Variants in CPNE6 observed in about 807,000 individuals in gnomAD.
The protein encoded by CPNE6 is copine-6.
CPNE6 carries 33 observed loss-of-function variants against 71.5 expected under a neutral mutation model. The ratio of observed to expected loss-of-function variants is 0.46; its 90% CI spans 0.35 to 0.62. The LOEUF (loss-of-function observed/expected upper bound fraction) is 0.62, where lower values mean the gene tolerates loss of function less well. Ranked by LOEUF, CPNE6 falls within the 20% of genes least tolerant of loss-of-function variation. CPNE6 has a pLI of 0.00. For missense variants in CPNE6, 576 were observed against 747.3 expected (o/e 0.77, Z 2.67); for synonymous variants, 296 against 293.0 (o/e 1.01, Z -0.10).
chr14:24,071,181 G>A (rs2035884368), intron 1 of CPNE6: 1 of 1,016,808 alleles, frequency 9.8e-7, no homozygotes, highest in African/African-American at 1.6e-5. Flanking sequence ...AACTGTCGTG[G>A]TGTCACAGTG....
chr14:24,072,212 A>T (rs1446091608), intron 2 of CPNE6: 1 of 152,268 alleles, frequency 6.6e-6, no homozygotes. Flanking sequence ...ACTCCCCAAA[A>T]ATCCTGTCGC....
Position 24,075,667 on chromosome 14 carries a change from G to T in CPNE6, c.864+76G>T, listed in dbSNP as rs1036364556. 14 of 1,421,730 alleles carry T rather than the reference G, an allele frequency of 9.8e-6. No individual in the cohort carries two copies. In the African/African-American group the frequency reaches 1.4e-4, roughly 14 times the overall value. The allele number at this position is 1,421,730 out of a possible 1,614,324, so 88.1% of individuals were successfully genotyped here. On this transcript the variant is annotated intron_variant, in intron 10 of 17. Transcript: ENST00000397016. The surrounding 1 kb of genome is among the most constrained non-coding windows in gnomAD (Gnocchi z 4.3). ...CACTCTCAGGTTCAACCCTTCCCTT[G>T]TTTCAAAGACCAGTTTCTCTGCTTC...
In CPNE6 at chr14:24,074,406, T is replaced by G. The variant is rs370684859; in HGVS notation, c.498+41T>G. On this transcript the variant is annotated intron_variant, in intron 6 of 17. Coordinates refer to ENST00000397016, the Ensembl canonical transcript of CPNE6. This position sits in a 1 kb window ranked among gnomAD's most constrained non-coding sequence, Gnocchi z 4.5. Reference sequence around the variant, plus strand: ...TCCAGGCCCCCAACTCCCCTGTCACTCCTAGGCCTCCCACTCAAGACAGAT... The same window carrying G: ...TCCAGGCCCCCAACTCCCCTGTCACGCCTAGGCCTCCCACTCAAGACAGAT... 1.9e-6 allele frequency: 3 copies of G among 1,552,992 alleles called. No homozygotes were observed. Among genetic ancestry groups the G allele is most frequent in the Non-Finnish European group, 2.6e-6 (3 of 1,146,936 alleles).
At position 24,077,509 on chromosome 14, in the gene CPNE6, C is replaced by T. The variant is rs1331495587; in HGVS notation, c.1537-84C>T. On this transcript the variant is annotated intron_variant, in intron 16 of 17. Coordinates refer to ENST00000397016, the Ensembl canonical transcript of CPNE6. This position sits in a 1 kb window ranked among gnomAD's most constrained non-coding sequence, Gnocchi z 6.1. ...AGGACGCGGGAGCCCAGCTGGCCAC[C>T]CTGAAGCCCCACTTCTCCCTCAGAT... 6.3e-7 allele frequency: 1 copy of T among 1,582,090 alleles called. No homozygotes were observed. The highest frequency in any genetic ancestry group is 8.7e-7 in the Non-Finnish European group (1 of 1,154,128).
rs1402679908 is a variant in CPNE6 at position 24,073,982 on chromosome 14, C to T, written c.349-69C>T. 1 of 1,365,640 alleles carries T rather than the reference C, an allele frequency of 7.3e-7. No individual in the cohort carries two copies. The highest frequency in any genetic ancestry group is 1.7e-5 in the Admixed American group (1 of 59,558). The allele number at this position is 1,365,640 out of a possible 1,614,324, so 84.6% of individuals were successfully genotyped here. ...GCAGACACTCAGAGCATTTATTATT[C>T]CATCCCTTGTACGTGGCCAAGGCAG... On this transcript the variant is annotated intron_variant, in intron 4 of 17. Coordinates refer to ENST00000397016, the Ensembl canonical transcript of CPNE6. The surrounding 1 kb of genome is among the most constrained non-coding windows in gnomAD (Gnocchi z 5.5).
rs1157912840 is a variant in CPNE6, at chr14:24,077,172, G to A, written c.1318G>A (p.Val440Met). 7 of 1,605,680 alleles carry A rather than the reference G, an allele frequency of 4.4e-6. No individual in the cohort carries two copies. Among genetic ancestry groups the A allele is most frequent in the Non-Finnish European group, 1.7e-6 (2 of 1,179,466 alleles). The change falls in exon 16 of 18, where the codon GTG becomes ATG. Residue 440 changes from valine to methionine, a missense_variant. Physicochemically the swap from Val to Met is conservative, Grantham distance 21 (BLOSUM62 1). This residue lies in a region of CPNE6 where 264 missense variants were observed against 339.9 expected (regional missense o/e 0.78). Coordinates refer to ENST00000397016, the Ensembl canonical transcript of CPNE6. This position sits in a 1 kb window ranked among gnomAD's most constrained non-coding sequence, Gnocchi z 6.1. ...CCCTCAGAAGTACTCGGTGCTGCTG[G>A]TGCTCACTGACGGTGTGGTGAGCGA...
At position 24,073,228 on chromosome 14, in the gene CPNE6, G is replaced by A. The variant is rs186369401; in HGVS notation, c.168+124G>A. 5.0e-5 allele frequency: 56 copies of A among 1,119,392 alleles called. No individual in the cohort carries two copies. Among genetic ancestry groups the A allele is most frequent in the South Asian group, 8.3e-5 (4 of 48,362 alleles). The allele number at this position is 1,119,392 out of a possible 1,614,324, so 69.3% of individuals were successfully genotyped here. ...GACTCTGCGGCGCCTTCTCGAGGCC[G>A]CTTGGGTACCCTGGAGATGGTGTCC... On this transcript the variant is annotated intron_variant, in intron 3 of 17. Coordinates refer to ENST00000397016, the Ensembl canonical transcript of CPNE6. This position sits in a 1 kb window ranked among gnomAD's most constrained non-coding sequence, Gnocchi z 5.5.
chr14:24,074,783 C>T lies in CPNE6; in HGVS notation c.660C>T (p.His220=), dbSNP rs774560949. The T allele has an allele frequency of 1.9e-6, 3 of 1,612,760 alleles. No individual in the cohort carries two copies. The African/African-American group carries it at 4.0e-5, about 22-fold the overall frequency. ...ATTCCCTATGCAGCTGTGATGTTCA[C>T]CGACCTCTCAAGGTGAAGTCCCAGC... is the stretch of plus-strand genomic sequence containing the variant. The change falls in exon 8 of 18, where the codon CAC becomes CAT. Residue 220 remains histidine, a synonymous_variant. Coordinates refer to ENST00000397016, the Ensembl canonical transcript of CPNE6. The surrounding 1 kb of genome is among the most constrained non-coding windows in gnomAD (Gnocchi z 4.5).
rs79951029 is a variant in CPNE6 at position 24,074,243 on chromosome 14, C to T, written c.424-48C>T. On this transcript the variant is annotated intron_variant, in intron 5 of 17. Coordinates refer to ENST00000397016, the Ensembl canonical transcript of CPNE6. This position sits in a 1 kb window ranked among gnomAD's most constrained non-coding sequence, Gnocchi z 4.5. ...CCTAAGGGAAAGGGGATGGGGTGGC[C>T]CTTGTGGTAAGGTTAGGGGAGTCCT... 3.7e-3 allele frequency: 5,950 copies of T among 1,603,408 alleles called. 138 individuals carry two copies. The African/African-American group carries it at 0.056, about 15-fold the overall frequency.
rs569567866 is a variant in CPNE6, at chr14:24,077,534, T to C, written c.1537-59T>C. The C allele has an allele frequency of 6.3e-7, 1 of 1,590,612 alleles. No individual in the cohort carries two copies. The highest frequency in any genetic ancestry group is 1.1e-5 in the South Asian group (1 of 87,886). On this transcript the variant is annotated intron_variant, in intron 16 of 17. Transcript: ENST00000397016. This position sits in a 1 kb window ranked among gnomAD's most constrained non-coding sequence, Gnocchi z 6.1. ...CCTGAAGCCCCACTTCTCCCTCAGATGACCCTGCCTCCCCTACTCTTCCTC... is the reference window on the plus strand; with the variant it reads ...CCTGAAGCCCCACTTCTCCCTCAGACGACCCTGCCTCCCCTACTCTTCCTC...
intron 2 of CPNE6, chr14:24,072,570 G>A (rs1002851414): frequency 5.5e-6 from 1 of 182,564 alleles, no homozygotes; most frequent in Non-Finnish European, 1.1e-5. Flanking sequence ...TGAGTGCAGC[G>A]CTGGCACAAC....
chr14:24,075,376 G>A lies in CPNE6; in HGVS notation c.777+100G>A. The A allele has an allele frequency of 7.2e-7, 1 of 1,385,282 alleles. No individual in the cohort carries two copies. Among genetic ancestry groups the A allele is most frequent in the Admixed American group, 1.7e-5 (1 of 58,482 alleles). 85.8% of individuals were successfully genotyped at this position (1,385,282 alleles called of 1,614,324 possible). ...ACCATAGGTGATAGGAAGTGGAGAG[G>A]GTGGAAAGCACCTGGGCTCAGCTGA... On this transcript the variant is annotated intron_variant, in intron 9 of 17. Transcript: ENST00000397016. This position sits in a 1 kb window ranked among gnomAD's most constrained non-coding sequence, Gnocchi z 4.3.
At position 24,074,272 on chromosome 14, in the gene CPNE6, A is replaced by T; in HGVS notation, c.424-19A>T. 6.3e-7 allele frequency: 1 copy of T among 1,594,798 alleles called. No individual in the cohort carries two copies. The highest frequency in any genetic ancestry group is 8.6e-7 in the Non-Finnish European group (1 of 1,167,138). On this transcript the variant is annotated intron_variant, in intron 5 of 17. Transcript: ENST00000397016. The surrounding 1 kb of genome is among the most constrained non-coding windows in gnomAD (Gnocchi z 4.5). ...GTGGTAAGGTTAGGGGAGTCCTGCC[A>T]CTTGTATCCCCCTTGCAGATCGTGG...
At chr14:24,072,552 G>A (rs931551643) in intron 2 of CPNE6, 27 of 171,852 alleles carry the variant, frequency 1.6e-4, no homozygotes, top group Admixed American at 1.4e-3. Context: ...GCTCCCTCGT[G>A]CCAAGACTGA....
Position 24,074,757 on chromosome 14 carries a change from C to G in CPNE6, c.634C>G (p.His212Asp). 1 of 1,614,024 alleles carries G rather than the reference C, an allele frequency of 6.2e-7. No homozygotes were observed. The highest frequency in any genetic ancestry group is 8.5e-7 in the Non-Finnish European group (1 of 1,179,960). ...CTGGGAGCCGTTCCGCCTGTCCCTG[C>G]ATTCCCTATGCAGCTGTGATGTTCA... Residue 212 changes from histidine to aspartate, a missense_variant, in exon 8 of 18, where the codon CAT becomes GAT. Physicochemically the swap from His to Asp is moderately conservative, Grantham distance 81. Around this residue, in one of 4 missense-constraint regions of CPNE6, gnomAD observed 214 missense variants for 291.2 expected, o/e 0.73. Coordinates refer to ENST00000397016, the Ensembl canonical transcript of CPNE6. This position sits in a 1 kb window ranked among gnomAD's most constrained non-coding sequence, Gnocchi z 4.5.
Position 24,077,899 on chromosome 14 carries a change from G to A in CPNE6, c.*49G>A. On this transcript the variant is annotated 3_prime_UTR_variant, in exon 18 of 18. Coordinates refer to ENST00000397016, the Ensembl canonical transcript of CPNE6. The surrounding 1 kb of genome is among the most constrained non-coding windows in gnomAD (Gnocchi z 6.1). ...CCACCCCCTCCCAGGTGCCTGTCCT[G>A]ACCCTCGTGACTCCAGTGACCAATG... The A allele has an allele frequency of 1.6e-6, 1 of 644,072 alleles. No individual in the cohort carries two copies. The highest frequency in any genetic ancestry group is 2.4e-6 in the Non-Finnish European group (1 of 418,462). 39.9% of individuals were successfully genotyped at this position (644,072 alleles called of 1,614,324 possible).
exon 2 of CPNE6, chr14:24,071,586 G>C: frequency 7.1e-7 from 1 of 1,411,984 alleles, no homozygotes; most frequent in Non-Finnish European, 9.6e-7. Flanking sequence ...GAGCAGCAAG[G>C]GAGTCAGGGC....
chr14:24,072,838 G>A (rs1466407530), intron 2 of CPNE6, 95 bp from the exon 2 acceptor site: 11 of 1,195,146 alleles, frequency 9.2e-6, no homozygotes, highest in Non-Finnish European at 1.2e-5. Context: ...AGGGAAGGAG[G>A]TTAAGGGGTG....
Position 24,075,292 on chromosome 14 carries a change from C to T in CPNE6, c.777+16C>T. On this transcript the variant is annotated intron_variant, in intron 9 of 17. Coordinates refer to ENST00000397016, the Ensembl canonical transcript of CPNE6. This position sits in a 1 kb window ranked among gnomAD's most constrained non-coding sequence, Gnocchi z 4.3. Reference sequence around the variant, plus strand: ...TGGGCAGGAGGTGCCACAAATACCCCACCCCCAGAATCCCACCCAGATCCC... The same window carrying T: ...TGGGCAGGAGGTGCCACAAATACCCTACCCCCAGAATCCCACCCAGATCCC... The T allele has an allele frequency of 1.3e-6, 2 of 1,598,898 alleles. No individual in the cohort carries two copies. Among genetic ancestry groups the T allele is most frequent in the African/African-American group, 1.3e-5 (1 of 74,680 alleles).
Sources: allele counts gnomAD v4.1 joint callset, GRCh38; gene constraint gnomAD v4.1.1; regional missense constraint gnomAD v4.1.1; non-coding constraint Gnocchi (gnomAD v3.1); transcripts MANE v1.5; gene names NCBI Gene and HGNC (gene_info 2026-07-23, HGNC 2026-07-21).